ZCCHC9: variants seen among roughly 807,000 people sequenced by gnomAD.
The protein encoded by ZCCHC9 is zinc finger CCHC-type containing 9.
A neutral mutation model predicts 30.8 loss-of-function variants in ZCCHC9; 18 were observed. The observed-to-expected ratio is 0.58, with a 90% CI of 0.40 to 0.87. The LOEUF (loss-of-function observed/expected upper bound fraction) is 0.87. ZCCHC9 is among the 40% of genes least tolerant of loss of function. The pLI is 0.00. For synonymous variants in ZCCHC9, 94 were observed against 106.7 expected, an observed-to-expected ratio of 0.88 and a Z score of 0.73; for missense variants, 279 against 331.2, an observed-to-expected ratio of 0.84 and a Z score of 1.22.
intron 4 of ZCCHC9, 50 bp downstream of exon 4, chr5:81,309,088 T>A: frequency 7.3e-7 from 1 of 1,370,796 alleles, no homozygotes; most frequent in Non-Finnish European, 1.0e-6. Flanking sequence ...ATCGTGCAGT[T>A]GTGATTTAAT....
chr5:81,311,877 A>T (rs116417028), intron 5 of ZCCHC9, among the ~76,000 whole-genome samples: 86 of 152,334 alleles, frequency 5.6e-4, no homozygotes, highest in African/African-American at 1.9e-3. Flanking sequence ...CTAGAATGAT[A>T]ATCCTATGTG....
At chr5:81,311,050 A>G (rs1758267249) in intron 4 of ZCCHC9, among the ~76,000 whole-genome samples, 161 bp from the exon 5 acceptor site, 1 of 152,204 alleles carries the variant, frequency 6.6e-6, no homozygotes, top group South Asian at 2.1e-4. Context: ...AGGAATGGAG[A>G]ATGAATTAAT....
chr5:81,302,993 G>C (rs931798675), intron 1 of ZCCHC9: 1 of 139,086 alleles, frequency 7.2e-6, no homozygotes, highest in Non-Finnish European at 1.5e-5. Flanking sequence ...TTAACTCCTT[G>C]ACCTTTTTTT....
chr5:81,305,086 A>G lies in ZCCHC9; in HGVS notation c.329A>G (p.Asp110Gly), dbSNP rs1269572416. ...REEIAVALKK[D>G]SRREGRRLKR... is the part of the protein sequence containing the mutation. ...GAAATTGCAGTTGCTTTAAAGAAAGACAGTCGACGGGAAGGAAGAAGATTA... is the reference window on the plus strand; with the variant it reads ...GAAATTGCAGTTGCTTTAAAGAAAGGCAGTCGACGGGAAGGAAGAAGATTA... Residue 110 changes from aspartate (D) to glycine (G), a missense_variant, in exon 2 of 6, where the codon GAC (aspartate) becomes GGC (glycine). Transcript: ENST00000407610. 2 of 1,608,490 alleles carry G rather than the reference A, an allele frequency of 1.2e-6. No homozygotes were observed. The highest frequency in any genetic ancestry group is 1.7e-6 in the Non-Finnish European group (2 of 1,178,722).
chr5:81,308,851 A>G, intron 3 of ZCCHC9, 95 bp from the exon 4 acceptor site: 1 of 1,383,682 alleles, frequency 7.2e-7, no homozygotes, highest in South Asian at 1.5e-5. Context: ...TAAGTTATGT[A>G]AATATATTTT....
Position 81,306,432 on chromosome 5 carries a change from T to C in ZCCHC9, c.384+1291T>C, listed in dbSNP as rs116339742. 4.0e-3 allele frequency among the ~76,000 whole-genome samples: 602 copies of C among 152,346 alleles called. 3 individuals are homozygous for C. The highest frequency in any genetic ancestry group is 6.8e-3 in the Middle Eastern group (2 of 294). On this transcript the variant is annotated intron_variant, in intron 2 of 5. Coordinates refer to ENST00000407610, the MANE Select transcript of ZCCHC9 (RefSeq NM_001131035.2). ...GTTGGTATCAGGATAGAGTTTTGTG[T>C]AAGTTAACGATTTTTAAATATTTTA...
At chr5:81,306,802 A>G (rs1052491606) in intron 2 of ZCCHC9, among the ~76,000 whole-genome samples, 2 of 152,228 alleles carry the variant, frequency 1.3e-5, no homozygotes, top group African/African-American at 4.8e-5. Context: ...AGGTTTTAAA[A>G]GAGAAGGCAG....
At position 81,304,811 on chromosome 5, in the gene ZCCHC9, A is replaced by G. The variant is rs202009135; in HGVS notation, c.54A>G (p.Ala18=). 20 of 1,612,506 alleles carry G rather than the reference A, an allele frequency of 1.2e-5. No homozygotes were observed. Among genetic ancestry groups the G allele is most frequent in the Non-Finnish European group, 1.5e-5 (18 of 1,179,638 alleles). ...STTYNKRPLP[A]TSWEDMKKGS... ...CATATAACAAGAGACCCTTGCCTGCAACATCATGGGAGGACATGAAGAAGG... is the reference window on the plus strand; with the variant it reads ...CATATAACAAGAGACCCTTGCCTGCGACATCATGGGAGGACATGAAGAAGG... The change falls in exon 2 of 6, where the codon GCA becomes GCG. Residue 18 remains alanine (A), a synonymous_variant. Coordinates refer to ENST00000407610, the MANE Select transcript of ZCCHC9 (RefSeq NM_001131035.2).
At chr5:81,306,201 A>G (rs1758078514) in intron 2 of ZCCHC9, among the ~76,000 whole-genome samples, 1 of 152,236 alleles carries the variant, frequency 6.6e-6, no homozygotes, top group African/African-American at 2.4e-5. Context: ...GCTAGTTATT[A>G]TACTTTTATT....
intron 2 of ZCCHC9, among the ~76,000 whole-genome samples, chr5:81,308,030 T>TAAA (rs1561305960): frequency 1.3e-4 from 19 of 140,936 alleles, no homozygotes; most frequent in African/African-American, 4.4e-4. Flanking sequence ...AAAATCTATC[T>TAAA]ATCTATCTAT....
In ZCCHC9 at chr5:81,305,066, T is replaced by G. The variant is rs1758051066; in HGVS notation, c.309T>G (p.Ile103Met). 1.2e-6 allele frequency: 2 copies of G among 1,611,482 alleles called. No individual in the cohort carries two copies. The highest frequency in any genetic ancestry group is 1.7e-5 in the Admixed American group (1 of 59,402). ...ACAGTGAGGAAGTAAGGGAAGAAAT[T>G]GCAGTTGCTTTAAAGAAAGACAGTC... The part of the protein sequence containing the change: ...ATDSEEVREE[I>M]AVALKKDSRR... The change falls in exon 2 of 6, where the codon ATT becomes ATG. Residue 103 changes from isoleucine to methionine, a missense_variant. By Grantham distance (10) the Ile-to-Met change is conservative. Transcript: ENST00000407610.
At chr5:81,308,454 A>G (rs1758152875) in intron 2 of ZCCHC9, 107 bp from the exon 3 acceptor site, 28 of 1,343,094 alleles carry the variant, frequency 2.1e-5, no homozygotes, top group Non-Finnish European at 2.8e-5. Flanking sequence ...TTTCAGAAAA[A>G]TAGCTTAATA....
rs531484993 is a variant in ZCCHC9, at chr5:81,307,826, G to A, written c.385-735G>A. On this transcript the variant is annotated intron_variant, in intron 2 of 5. Transcript: ENST00000407610. ...AGCCTGGCCAACATGGTGAAACCCC[G>A]TCTCCACTAAAAGTACAAAAATTAG... 5.3e-5 allele frequency among the ~76,000 whole-genome samples: 8 copies of A among 150,230 alleles called. No homozygotes were observed. In the East Asian group the frequency reaches 5.9e-4, roughly 11 times the overall value.
Position 81,304,954 on chromosome 5 carries a change from A to T in ZCCHC9, c.197A>T (p.Glu66Val). ...CATAAAAAGAACAAAAAGAAAAAAG[A>T]GTACTTAAATGAAGATGTGAATGGA... ...AKHKKNKKKK[E>V]YLNEDVNGFM... Residue 66 changes from glutamate to valine, a missense_variant, in exon 2 of 6, where the codon GAG (glutamate) becomes GTG (valine). Transcript: ENST00000407610. 1 of 1,613,868 alleles carries T rather than the reference A, an allele frequency of 6.2e-7. No homozygotes were observed. Among genetic ancestry groups the T allele is most frequent in the Non-Finnish European group, 8.5e-7 (1 of 1,179,972 alleles).
rs71000814 is a variant in ZCCHC9, at chr5:81,310,157, T to TAAAAAAAAAAAAAAAAAAA, written c.629-1049_629-1031dup. ...ACTGGTCAACCAAAGTGACTAGCTG[T>TAAAAAAAAAAAAAAAAAAA]AAAAAAAAAAAAAAAAAAAAAAATT... On this transcript the variant is annotated intron_variant, in intron 4 of 5. Transcript: ENST00000407610. 3.9e-4 allele frequency among the ~76,000 whole-genome samples: 41 copies of TAAAAAAAAAAAAAAAAAAA among 104,748 alleles called. 1 individual carries two copies. The highest frequency in any genetic ancestry group is 2.5e-3 in the East Asian group (8 of 3,224). 68.7% of individuals were successfully genotyped at this position (104,748 alleles called of 152,430 possible).
intron 4 of ZCCHC9, 146 bp from the exon 5 acceptor site, chr5:81,311,065 A>C: frequency 1.3e-6 from 1 of 770,004 alleles, no homozygotes; most frequent in Non-Finnish European, 2.2e-6. Context: ...ATTAATAGGA[A>C]TAGTGGCACC....
At position 81,304,939 on chromosome 5, in the gene ZCCHC9, A is replaced by T; in HGVS notation, c.182A>T (p.Asn61Ile). The stretch of plus-strand genomic sequence containing the variant: ...GCACCCCAAGCAAAACATAAAAAGA[A>T]CAAAAAGAAAAAAGAGTACTTAAAT... The part of the protein sequence containing the change: ...NDAPQAKHKK[N>I]KKKKEYLNED... Residue 61 changes from asparagine to isoleucine, a missense_variant, in exon 2 of 6, where the codon AAC (asparagine) becomes ATC (isoleucine). Coordinates refer to ENST00000407610, the MANE Select transcript of ZCCHC9 (RefSeq NM_001131035.2). 1 of 1,613,762 alleles carries T rather than the reference A, an allele frequency of 6.2e-7. No homozygotes were observed. The highest frequency in any genetic ancestry group is 1.7e-4 in the Middle Eastern group (1 of 6,060).
At chr5:81,309,533 A>T (rs1049747241) in intron 4 of ZCCHC9, among the ~76,000 whole-genome samples, 2 of 152,228 alleles carry the variant, frequency 1.3e-5, no homozygotes, top group African/African-American at 4.8e-5. Flanking sequence ...AGGTTCACAC[A>T]GTAAAGTCTA....
intron 4 of ZCCHC9, among the ~76,000 whole-genome samples, chr5:81,309,604 G>A (rs1371550845): frequency 6.6e-6 from 1 of 152,178 alleles, no homozygotes; most frequent in African/African-American, 2.4e-5. Flanking sequence ...GGTGCCATCA[G>A]GCTCTAGACG....
Sources: allele counts gnomAD v4.1 joint callset (sites outside exome capture counted in the v4.1 genomes callset), GRCh38; gene constraint gnomAD v4.1.1; transcripts MANE v1.5; gene names NCBI Gene and HGNC (gene_info 2026-07-23, HGNC 2026-07-21).